The following ALKBH8 variants were observed in gnomAD, a reference collection of about 807,000 sequenced individuals.
The protein encoded by ALKBH8 is alkB homolog 8, tRNA methyltransferase, also known as tRNA (carboxymethyluridine(34)-5-O)-methyltransferase ALKBH8.
A neutral mutation model predicts 59.8 loss-of-function variants in ALKBH8; 36 were observed. That is an observed-to-expected ratio of 0.60 (90% CI 0.46 to 0.79). The LOEUF (loss-of-function observed/expected upper bound fraction) is 0.79, where lower values mean the gene tolerates loss of function less well. Ranked by LOEUF, ALKBH8 falls within the 30% of genes least tolerant of loss-of-function variation. The probability of loss-of-function intolerance (pLI) is 0.00; values close to 1 mark genes in which losing one functional copy is unlikely to be tolerated. For missense variants in ALKBH8, 768 were observed against 801.0 expected (o/e 0.96, Z 0.50); for synonymous variants, 276 against 273.6 (o/e 1.01, Z -0.09).
In ALKBH8 at chr11:107,556,918, T is replaced by A. The variant is rs566527389; in HGVS notation, c.215A>T (p.Asp72Val). Residue 72 changes from aspartate to valine, a missense_variant, in exon 3 of 12, where the codon GAT becomes GTT. Physicochemically the swap from Asp to Val is radical, Grantham distance 152. Transcript: ENST00000428149. ...LPVLEKCGLV[D>V]ALLMPPNKPY... is the part of the protein sequence containing the mutation. The stretch of plus-strand genomic sequence containing the variant: ...CTTGTTAGGTGGCATTAAGAGAGCA[T>A]CCACCAGTCCACATTTCTCTAAAAC... 2 of 1,612,796 alleles carry A rather than the reference T, an allele frequency of 1.2e-6. No individual in the cohort carries two copies. The highest frequency in any genetic ancestry group is 2.2e-5 in the South Asian group (2 of 90,914).
chr11:107,528,764 TC>T (rs1863453876), intron 8 of ALKBH8, among the ~76,000 whole-genome samples: 1 of 152,198 alleles, frequency 6.6e-6, no homozygotes. Flanking sequence ...CTGCTAAACA[TC>T]TTTTTCCCCC....
At chr11:107,554,218 C>T (rs921333337) in intron 3 of ALKBH8, among the ~76,000 whole-genome samples, 3 of 152,134 alleles carry the variant, frequency 2.0e-5, no homozygotes, top group Admixed American at 6.5e-5. Context: ...TTTAAGTAGC[C>T]GGTGTGAACA....
intron 6 of ALKBH8, among the ~76,000 whole-genome samples, chr11:107,550,753 A>G (rs967362703): frequency 6.6e-6 from 1 of 152,238 alleles, no homozygotes; most frequent in African/African-American, 2.4e-5. Context: ...TAAAGACGTC[A>G]TAAGTGTGGG....
At chr11:107,510,321 A>T (rs186422434) in intron 11 of ALKBH8, among the ~76,000 whole-genome samples, 1 of 152,258 alleles carries the variant, frequency 6.6e-6, no homozygotes, top group East Asian at 1.9e-4. Context: ...AAAATATTAA[A>T]TATTAAATTC....
intron 6 of ALKBH8, 116 bp downstream of exon 6, chr11:107,551,692 C>G (rs577674460): frequency 9.2e-6 from 3 of 325,868 alleles, no homozygotes; most frequent in Non-Finnish European, 1.4e-5. Context: ...GAAACTCCAT[C>G]TCAAAAAAAA....
rs540359219 is a variant in ALKBH8, at chr11:107,557,141, T to G, written c.130-138A>C. The G allele has an allele frequency of 4.9e-6, 3 of 612,446 alleles. No homozygotes were observed. In the Admixed American group the frequency reaches 1.2e-4, roughly 25 times the overall value. The allele number at this position is 612,446 out of a possible 1,614,324, so 37.9% of individuals were successfully genotyped here. On this transcript the variant is annotated intron_variant, in intron 2 of 11. Coordinates refer to ENST00000428149, the MANE Select transcript of ALKBH8 (RefSeq NM_138775.3). ...ATTTCCTTGTAGTGGTTGTTTGGTT[T>G]GCTAATTTCATACAAAGTATGTAAA...
Position 107,556,932 on chromosome 11 carries a change from T to C in ALKBH8, c.201A>G (p.Lys67=). The C allele has an allele frequency of 6.2e-7, 1 of 1,612,308 alleles. No homozygotes were observed. Among genetic ancestry groups the C allele is most frequent in the Non-Finnish European group, 8.5e-7 (1 of 1,179,152 alleles). The change falls in exon 3 of 12, where the codon AAA becomes AAG. Residue 67 remains lysine, a synonymous_variant. Coordinates refer to ENST00000428149, the MANE Select transcript of ALKBH8 (RefSeq NM_138775.3). ...TTAAGAGAGCATCCACCAGTCCACATTTCTCTAAAACCGGGAGCAGCTGGT... is the reference window on the plus strand; with the variant it reads ...TTAAGAGAGCATCCACCAGTCCACACTTCTCTAAAACCGGGAGCAGCTGGT... ...SRNQLLPVLE[K]CGLVDALLMP... is the part of the protein sequence containing the mutation.
intron 6 of ALKBH8, among the ~76,000 whole-genome samples, chr11:107,550,275 T>A (rs1009592146): frequency 2.0e-5 from 3 of 152,180 alleles, no homozygotes; most frequent in Non-Finnish European, 4.4e-5. Flanking sequence ...CAGCACCTCT[T>A]AAGTAAAAGA....
chr11:107,521,364 A>G (rs1453283818), intron 10 of ALKBH8, among the ~76,000 whole-genome samples: 11 of 152,116 alleles, frequency 7.2e-5, no homozygotes, highest in African/African-American at 2.7e-4. Context: ...CATTTTATTT[A>G]TTATTTGATT....
chr11:107,552,743 A>T (rs1455558418), intron 5 of ALKBH8, among the ~76,000 whole-genome samples: 1 of 152,088 alleles, frequency 6.6e-6, no homozygotes, highest in Admixed American at 6.5e-5. Context: ...CCCTTGAGAA[A>T]CTCTTGCACA....
At chr11:107,535,383 T>C (rs1863771671) in intron 7 of ALKBH8, among the ~76,000 whole-genome samples, 3 of 152,194 alleles carry the variant, frequency 2.0e-5, no homozygotes, top group Admixed American at 2.0e-4. Context: ...AGTGTAAAAG[T>C]GTTCCCTTTT....
Position 107,504,273 on chromosome 11 carries a change from C to A in ALKBH8, c.*385G>T. 1 of 467,266 alleles carries A rather than the reference C, an allele frequency of 2.1e-6. No individual in the cohort carries two copies. Among genetic ancestry groups the A allele is most frequent in the Non-Finnish European group, 3.7e-6 (1 of 268,342 alleles). 28.9% of individuals were successfully genotyped at this position (467,266 alleles called of 1,614,324 possible). ...AAACTTCAGACAATTTTCTATTGAC[C>A]AGGACTATTTTCTGTATTAACATAT... On this transcript the variant is annotated 3_prime_UTR_variant, in exon 12 of 12. Transcript: ENST00000428149.
At chr11:107,521,605 A>G (rs1280552941) in intron 10 of ALKBH8, among the ~76,000 whole-genome samples, 2 of 152,148 alleles carry the variant, frequency 1.3e-5, no homozygotes, top group Non-Finnish European at 2.9e-5. Flanking sequence ...AAAAATGATT[A>G]CTTACAACAA....
intron 10 of ALKBH8, among the ~76,000 whole-genome samples, chr11:107,520,805 T>C (rs569398480): frequency 2.6e-5 from 4 of 152,332 alleles, no homozygotes; most frequent in African/African-American, 9.6e-5. Context: ...GTACAAACTC[T>C]ACATTTCCTA....
Position 107,527,414 on chromosome 11 carries a change from G to C in ALKBH8, c.879-1822C>G, listed in dbSNP as rs188371575. ...ACTATAATAACAGCCAGGTGATCTA[G>C]AAAGAGAAACGTCGACCTAAGATGG... On this transcript the variant is annotated intron_variant, in intron 8 of 11. Transcript: ENST00000428149. 7.2e-5 allele frequency among the ~76,000 whole-genome samples: 11 copies of C among 152,022 alleles called. No individual in the cohort carries two copies. The East Asian group carries it at 2.1e-3, about 29-fold the overall frequency.
At chr11:107,505,505 T>C (rs1862345803) in intron 11 of ALKBH8, among the ~76,000 whole-genome samples, 1 of 152,230 alleles carries the variant, frequency 6.6e-6, no homozygotes, top group Admixed American at 6.5e-5. Flanking sequence ...GATGACTTCT[T>C]CTAGGGCTAT....
At chr11:107,565,289 C>T in intron 1 of ALKBH8, 1 of 486,830 alleles carries the variant, frequency 2.1e-6, no homozygotes, top group Admixed American at 3.5e-5. Context: ...GTCAGAAAAG[C>T]CCCAGAAGCG....
At chr11:107,548,420 C>T (rs1459980861) in intron 7 of ALKBH8, among the ~76,000 whole-genome samples, 1 of 152,200 alleles carries the variant, frequency 6.6e-6, no homozygotes, top group Non-Finnish European at 1.5e-5. Flanking sequence ...TATCTTTTGT[C>T]TCATTTCTCA....
chr11:107,533,592 A>C lies in ALKBH8; in HGVS notation c.772-1186T>G, dbSNP rs1010257254. ...CAGATGTCTACATATAATTTCATAT[A>C]GTCATACCCTGAAAGCATTCGAAAC... On this transcript the variant is annotated intron_variant, in intron 7 of 11. Coordinates refer to ENST00000428149, the MANE Select transcript of ALKBH8 (RefSeq NM_138775.3). Among the ~76,000 whole-genome samples the C allele has an allele frequency of 2.7e-4, 41 of 152,218 alleles. 3 individuals are homozygous for C.
Sources: gnomAD v4.1 joint callset for allele counts (sites outside exome capture counted in the v4.1 genomes callset) on GRCh38, gnomAD v4.1.1 for gene constraint, MANE v1.5 for transcripts, NCBI Gene and HGNC (gene_info 2026-07-23, HGNC 2026-07-21) for gene names.